Variants in ZNF766 observed in about 807,000 individuals in gnomAD.
ZNF766 encodes the protein zinc finger protein 766.
A neutral mutation model predicts 13.2 loss-of-function variants in ZNF766; 13 were observed. The ratio of observed to expected loss-of-function variants is 0.98; its 90% CI spans 0.64 to 1.56. ZNF766 has a LOEUF of 1.56. ZNF766 is among the 40% of genes most tolerant of loss of function. The pLI is 0.00. For synonymous variants in ZNF766, 178 were observed against 187.6 expected, an observed-to-expected ratio of 0.95 and a Z score of 0.42; for missense variants, 521 against 552.2, an observed-to-expected ratio of 0.94 and a Z score of 0.57.
At chr19:52,271,568 G>T (rs1980976357) in intron 1 of ZNF766, among the ~76,000 whole-genome samples, 1 of 152,184 alleles carries the variant, frequency 6.6e-6, no homozygotes, top group South Asian at 2.1e-4. Flanking sequence ...CACAGTCTCA[G>T]GACAGTGTGA....
rs542423508 is a variant in ZNF766, at chr19:52,280,627, G to A, written c.19-1484G>A. Among the ~76,000 whole-genome samples, 199 of 151,860 alleles carry A rather than the reference G, an allele frequency of 1.3e-3. 1 individual carries two copies. The highest frequency in any genetic ancestry group is 4.6e-3 in the African/African-American group (190 of 41,446). ...AAACTGAGTCTTGCTCTGTCGCCCA[G>A]GCTGGAGTGCAGTGGCGTGATCTCA... On this transcript the variant is annotated intron_variant, in intron 1 of 3. Transcript: ENST00000439461.
chr19:52,271,672 C>T (rs1423494854), intron 1 of ZNF766, among the ~76,000 whole-genome samples: 1 of 152,186 alleles, frequency 6.6e-6, no homozygotes, highest in Non-Finnish European at 1.5e-5. Flanking sequence ...CACACACAGA[C>T]ACACTGGCTG....
intron 3 of ZNF766, among the ~76,000 whole-genome samples, chr19:52,286,016 C>T (rs571219725): frequency 2.0e-5 from 3 of 151,758 alleles, no homozygotes; most frequent in East Asian, 1.9e-4. Context: ...GATTCTGAAT[C>T]GAAATAATGG....
Position 52,287,954 on chromosome 19 carries a change from T to C in ZNF766, c.275-2112T>C, listed in dbSNP as rs189469087. The C allele has an allele frequency of 6.2e-5, 26 of 418,102 alleles. 1 individual carries two copies. In the East Asian group the frequency reaches 1.8e-3, roughly 29 times the overall value. The allele number at this position is 418,102 out of a possible 1,614,324, so 25.9% of individuals were successfully genotyped here. A position where few individuals can be genotyped will look rare whatever the true frequency, so the allele number is the denominator to read the frequency against. On this transcript the variant is annotated intron_variant, in intron 3 of 3. Transcript: ENST00000439461. ...TACTTTCCTGACTTTCTCTAGTGCTTCTCTGCTGTTTTCTTTGTTTTCTAA... is the reference window on the plus strand; with the variant it reads ...TACTTTCCTGACTTTCTCTAGTGCTCCTCTGCTGTTTTCTTTGTTTTCTAA...
In ZNF766 at chr19:52,283,393, G is replaced by A. The variant is rs201514637; in HGVS notation, c.254G>A (p.Gly85Asp). The change falls in exon 3 of 4, where the codon GGT (glycine) becomes GAT (aspartate). Residue 85 changes from glycine (G) to aspartate (D), a missense_variant. Coordinates refer to ENST00000439461, the MANE Select transcript of ZNF766 (RefSeq NM_001010851.3). ...GCAAAAAATCCAGATAGGTGGGAAGGTATCAAAGATATCAACACAGGTAAG... is the reference window on the plus strand; with the variant it reads ...GCAAAAAATCCAGATAGGTGGGAAGATATCAAAGATATCAACACAGGTAAG... ...KVAKNPDRWEGIKDINTGRSC... is the reference protein window; with the variant it reads ...KVAKNPDRWEDIKDINTGRSC... The A allele has an allele frequency of 3.8e-5, 61 of 1,602,498 alleles. No individual in the cohort carries two copies. The highest frequency in any genetic ancestry group is 5.2e-5 in the Admixed American group (3 of 57,584).
In ZNF766 at chr19:52,292,000, AGTTTG is replaced by A; in HGVS notation, c.*803_*807del. The A allele has an allele frequency of 3.4e-6, 2 of 592,466 alleles. No homozygotes were observed. Among genetic ancestry groups the A allele is most frequent in the Admixed American group, 5.8e-5 (2 of 34,608 alleles). The allele number at this position is 592,466 out of a possible 1,614,324, so 36.7% of individuals were successfully genotyped here. A position where few individuals can be genotyped will look rare whatever the true frequency, so the allele number is the denominator to read the frequency against. On this transcript the variant is annotated 3_prime_UTR_variant, in exon 4 of 4. Transcript: ENST00000439461. Reference sequence around the variant, plus strand: ...GGCAAGAGGATTGCTCAAGCCCAGGAGTTTGAGAGTTTGAGCAGTGAGCTCTGATC... The same window carrying A: ...GGCAAGAGGATTGCTCAAGCCCAGGAAGAGTTTGAGCAGTGAGCTCTGATC...
Position 52,294,532 on chromosome 19 carries a change from T to C in ZNF766, c.*3334T>C, listed in dbSNP as rs1244547808. 1 of 152,134 alleles carries C rather than the reference T, an allele frequency of 6.6e-6. No homozygotes were observed. The highest frequency in any genetic ancestry group is 1.5e-5 in the Non-Finnish European group (1 of 68,054). 9.4% of individuals were successfully genotyped at this position (152,134 alleles called of 1,614,324 possible). On this transcript the variant is annotated 3_prime_UTR_variant, in exon 4 of 4. Transcript: ENST00000439461. ...TAGGGAATCGGCATAGGTGACTGGC[T>C]TGGGGTATGATGATTGTTAAGGGAT... is the stretch of plus-strand genomic sequence containing the variant.
chr19:52,269,831 G>A (rs1980894851), intron 1 of ZNF766, among the ~76,000 whole-genome samples, 200 bp downstream of exon 1: 1 of 152,188 alleles, frequency 6.6e-6, no homozygotes, highest in South Asian at 2.1e-4. Flanking sequence ...GGGCTGCGTA[G>A]GCAGCTGCTT....
At chr19:52,276,062 A>G (rs1327461278) in intron 1 of ZNF766, among the ~76,000 whole-genome samples, 4 of 152,380 alleles carry the variant, frequency 2.6e-5, no homozygotes, top group African/African-American at 4.8e-5. Flanking sequence ...TATTCAGGAC[A>G]TAGCATGCCC....
intron 3 of ZNF766, among the ~76,000 whole-genome samples, chr19:52,287,807 G>C (rs1401998086): frequency 6.6e-6 from 1 of 151,896 alleles, no homozygotes; most frequent in Non-Finnish European, 1.5e-5. Context: ...TATTTGTGTA[G>C]ACTTGTTTGT....
chr19:52,271,249 A>G (rs1980959809), intron 1 of ZNF766, among the ~76,000 whole-genome samples: 1 of 152,130 alleles, frequency 6.6e-6, no homozygotes, highest in Non-Finnish European at 1.5e-5. Flanking sequence ...AATTTTATCC[A>G]TATCTGAGGT....
rs1367201744 is a variant in ZNF766, at chr19:52,293,926, A to T, written c.*2728A>T. On this transcript the variant is annotated 3_prime_UTR_variant, in exon 4 of 4. Coordinates refer to ENST00000439461, the MANE Select transcript of ZNF766 (RefSeq NM_001010851.3). ...AGGCATGAGCCACCACACTTGGCCT[A>T]CCTCTCTACTCTGCCCTAAGATGCT... The T allele has an allele frequency of 1.3e-5, 2 of 152,186 alleles. No homozygotes were observed. The highest frequency in any genetic ancestry group is 2.1e-4 in the South Asian group (1 of 4,822). 9.4% of individuals were successfully genotyped at this position (152,186 alleles called of 1,614,324 possible). A position where few individuals can be genotyped will look rare whatever the true frequency, so the allele number is the denominator to read the frequency against.
chr19:52,284,023 C>T (rs761388206), intron 3 of ZNF766, among the ~76,000 whole-genome samples: 1 of 152,252 alleles, frequency 6.6e-6, no homozygotes, highest in Non-Finnish European at 1.5e-5. Flanking sequence ...GTGTCAGCCA[C>T]CGCGCCCAGC....
chr19:52,285,143 A>G (rs1307945993), intron 3 of ZNF766: 4 of 152,146 alleles, frequency 2.6e-5, no homozygotes, highest in African/African-American at 7.2e-5. Flanking sequence ...ACATTTTGGT[A>G]TCTCAGGGTT....
In ZNF766 at chr19:52,290,558, C is replaced by G. The variant is rs1432386501; in HGVS notation, c.767C>G (p.Ala256Gly). ...TGTGGCAAGCTCTTCAATCGAATTGCATACCTTGCACGACACGAGAAAGTG... is the reference window on the plus strand; with the variant it reads ...TGTGGCAAGCTCTTCAATCGAATTGGATACCTTGCACGACACGAGAAAGTG... ...KECGKLFNRI[A>G]YLARHEKVHT... The change falls in exon 4 of 4, where the codon GCA becomes GGA. Residue 256 changes from alanine to glycine, a missense_variant. Coordinates refer to ENST00000439461, the MANE Select transcript of ZNF766 (RefSeq NM_001010851.3). 1 of 1,614,080 alleles carries G rather than the reference C, an allele frequency of 6.2e-7. No homozygotes were observed. Among genetic ancestry groups the G allele is most frequent in the Non-Finnish European group, 8.5e-7 (1 of 1,179,992 alleles).
chr19:52,282,989 G>A (rs1437435599), intron 2 of ZNF766, among the ~76,000 whole-genome samples: 1 of 152,034 alleles, frequency 6.6e-6, no homozygotes, highest in Non-Finnish European at 1.5e-5. Flanking sequence ...ATAATCCTTT[G>A]AGTATATACC....
At chr19:52,273,020 T>A (rs897983517) in intron 1 of ZNF766, among the ~76,000 whole-genome samples, 31 of 152,108 alleles carry the variant, frequency 2.0e-4, no homozygotes, top group African/African-American at 7.2e-4. Flanking sequence ...TTAATATATT[T>A]TTTTTTCGAG....
chr19:52,291,926 A>G lies in ZNF766; in HGVS notation c.*728A>G. On this transcript the variant is annotated 3_prime_UTR_variant, in exon 4 of 4. Coordinates refer to ENST00000439461, the MANE Select transcript of ZNF766 (RefSeq NM_001010851.3). The stretch of plus-strand genomic sequence containing the variant: ...CCATCCCTACAAAATAAAAAAAATA[A>G]GCCAGGCCCTTGGCATGTGTCTGTA... The G allele has an allele frequency of 1.9e-6, 1 of 521,240 alleles. No individual in the cohort carries two copies. The highest frequency in any genetic ancestry group is 3.4e-6 in the Non-Finnish European group (1 of 294,328). The allele number at this position is 521,240 out of a possible 1,614,324, so 32.3% of individuals were successfully genotyped here. A position where few individuals can be genotyped will look rare whatever the true frequency, so the allele number is the denominator to read the frequency against.
chr19:52,274,461 C>G (rs1981107008), intron 1 of ZNF766: 1 of 152,410 alleles, frequency 6.6e-6, no homozygotes, highest in Admixed American at 6.5e-5. Context: ...AGTGCGTTAC[C>G]AAACAGCTTT....
Sources: gnomAD v4.1 joint callset for allele counts (sites outside exome capture counted in the v4.1 genomes callset) on GRCh38, gnomAD v4.1.1 for gene constraint, MANE v1.5 for transcripts, NCBI Gene and HGNC (gene_info 2026-07-23, HGNC 2026-07-21) for gene names.